IHO1: variants seen among roughly 807,000 people sequenced by gnomAD.
IHO1 encodes interactor of HORMAD1 protein 1.
A neutral mutation model predicts 31.0 loss-of-function variants in IHO1; 13 were observed. The observed-to-expected ratio is 0.42, with a 90% CI of 0.27 to 0.67. The LOEUF (loss-of-function observed/expected upper bound fraction) is 0.67, where lower values mean the gene tolerates loss of function less well. IHO1 is among the 30% of genes least tolerant of loss of function. The pLI is 0.24. For synonymous variants in IHO1, 221 were observed against 248.4 expected, an observed-to-expected ratio of 0.89 and a Z score of 1.04; for missense variants, 599 against 687.5, an observed-to-expected ratio of 0.87 and a Z score of 1.44.
upstream of IHO1, among the ~76,000 whole-genome samples, chr3:49,193,998 C>T (rs893016643): frequency 1.0e-4 from 14 of 140,622 alleles, no homozygotes; most frequent in Admixed American, 2.2e-4. Flanking sequence ...GACTGGGTGC[C>T]GTGGCTCACG....
intron 2 of IHO1, among the ~76,000 whole-genome samples, chr3:49,229,768 A>G (rs2046459646): frequency 6.6e-6 from 1 of 152,204 alleles, no homozygotes. Context: ...CCTGAAGTAT[A>G]TCAAAGTAGT....
intron 6 of IHO1, among the ~76,000 whole-genome samples, chr3:49,253,272 A>C (rs969983112): frequency 3.3e-5 from 5 of 151,838 alleles, no homozygotes; most frequent in Non-Finnish European, 7.4e-5. Context: ...TTAAAATACA[A>C]TTAATAGCTG....
intron 7 of IHO1, among the ~76,000 whole-genome samples, chr3:49,255,738 A>G (rs1002729527): frequency 3.3e-5 from 5 of 151,640 alleles, no homozygotes; most frequent in Admixed American, 2.6e-4. Flanking sequence ...TTTAGTAGAG[A>G]GGGGGTTTTT....
intron 6 of IHO1, among the ~76,000 whole-genome samples, 198 bp from the exon 7 acceptor site, chr3:49,255,192 C>G (rs988282720): frequency 3.3e-5 from 5 of 152,166 alleles, no homozygotes; most frequent in African/African-American, 1.2e-4. Flanking sequence ...AACTGATTCT[C>G]AGAGTCCCCA....
At chr3:49,221,872 A>G (rs2046359369) in intron 2 of IHO1, among the ~76,000 whole-genome samples, 1 of 152,242 alleles carries the variant, frequency 6.6e-6, no homozygotes, top group African/African-American at 2.4e-5. Flanking sequence ...AGAGGCTGGT[A>G]TAAGAGTTTG....
At chr3:49,227,976 G>A (rs1559445052) in intron 2 of IHO1, among the ~76,000 whole-genome samples, 1 of 152,170 alleles carries the variant, frequency 6.6e-6, no homozygotes, top group Non-Finnish European at 1.5e-5. Flanking sequence ...GGTGCCTAAA[G>A]AAGGGAATAG....
intron 1 of IHO1, among the ~76,000 whole-genome samples, chr3:49,211,005 A>T (rs1401032708): frequency 4.4e-4 from 43 of 97,530 alleles, no homozygotes; most frequent in Middle Eastern, 0.01. Context: ...CTCTCCATTT[A>T]GTTTTTTTTT....
At chr3:49,231,769 T>C (rs895311853) in intron 2 of IHO1, among the ~76,000 whole-genome samples, 1 of 152,250 alleles carries the variant, frequency 6.6e-6, no homozygotes, top group African/African-American at 2.4e-5. Flanking sequence ...CTGCAATATC[T>C]AATGCCAAAC....
At chr3:49,229,741 T>C (rs1429258576) in intron 2 of IHO1, among the ~76,000 whole-genome samples, 2 of 152,222 alleles carry the variant, frequency 1.3e-5, no homozygotes, top group Admixed American at 6.5e-5. Context: ...TTTAACATAG[T>C]TGGAGTTGGT....
At chr3:49,216,692 C>G (rs2046290450) in intron 2 of IHO1, among the ~76,000 whole-genome samples, 1 of 152,166 alleles carries the variant, frequency 6.6e-6, no homozygotes, top group Admixed American at 6.5e-5. Context: ...AAATTATCAT[C>G]AGAGTGAACA....
chr3:49,195,553 T>C (rs1021635392), upstream of IHO1, among the ~76,000 whole-genome samples: 4 of 148,762 alleles, frequency 2.7e-5, 1 homozygote, highest in Non-Finnish European at 3.0e-5. Flanking sequence ...CCGTCTCTAC[T>C]TGACAAAAAA....
chr3:49,253,217 A>C (rs556067588), intron 6 of IHO1, among the ~76,000 whole-genome samples: 1 of 152,048 alleles, frequency 6.6e-6, no homozygotes, highest in African/African-American at 2.4e-5. Flanking sequence ...CCTGAGGTCA[A>C]GAGTTTGAGA....
chr3:49,195,840 G>A (rs559121618), upstream of IHO1, among the ~76,000 whole-genome samples: 47 of 149,286 alleles, frequency 3.1e-4, no homozygotes, highest in South Asian at 9.4e-3. Flanking sequence ...GGTGGCTAAC[G>A]CCTGTAATCA....
chr3:49,255,338 G>T, intron 6 of IHO1, 52 bp from the exon 7 acceptor site: 1 of 1,294,218 alleles, frequency 7.7e-7, no homozygotes, highest in South Asian at 1.3e-5. Context: ...GGGCAGATGG[G>T]ACATACCATA....
intron 1 of IHO1, among the ~76,000 whole-genome samples, chr3:49,204,402 G>A (rs1382852282): frequency 6.6e-6 from 1 of 152,092 alleles, no homozygotes; most frequent in Admixed American, 6.6e-5. Flanking sequence ...TTGGGGTCGG[G>A]CTGTGTCCTG....
rs13078365 is a variant in IHO1 at position 49,205,917 on chromosome 3, G to A, written c.-15-5849G>A. Among the ~76,000 whole-genome samples, 189 of 148,304 alleles carry A rather than the reference G, an allele frequency of 1.3e-3. 1 individual carries two copies. The highest frequency in any genetic ancestry group is 2.0e-3 in the Non-Finnish European group (137 of 67,156). On this transcript the variant is annotated intron_variant, in intron 1 of 7. Coordinates refer to ENST00000452691, the MANE Select transcript of IHO1 (RefSeq NM_001135197.2). ...CCTGAGTAGTTGGGACTACAGGCAC[G>A]TGCCACCACGTCCAGCTAATTTTTG...
intron 1 of IHO1, among the ~76,000 whole-genome samples, chr3:49,205,920 C>A (rs1371619293): frequency 6.6e-6 from 1 of 151,704 alleles, no homozygotes; most frequent in Non-Finnish European, 1.5e-5. Flanking sequence ...CAGGCACGTG[C>A]CACCACGTCC....
At chr3:49,202,675 C>CCAGTGTTGCCAGATTTCTAAGGG (rs2046084449) in intron 1 of IHO1, among the ~76,000 whole-genome samples, 1 of 151,154 alleles carries the variant, frequency 6.6e-6, no homozygotes, top group African/African-American at 2.4e-5. Flanking sequence ...CGCACCCAGC[C>CCAGTGTTGCCAGATTTCTAAGGG]AATTATTTTT....
At chr3:49,224,949 A>G (rs1256389170) in intron 2 of IHO1, among the ~76,000 whole-genome samples, 3 of 152,236 alleles carry the variant, frequency 2.0e-5, no homozygotes, top group African/African-American at 7.2e-5. Flanking sequence ...GACACCTAGT[A>G]TGCCATTTAC....
Sources: gnomAD v4.1 joint callset for allele counts (sites outside exome capture counted in the v4.1 genomes callset) on GRCh38, gnomAD v4.1.1 for gene constraint, MANE v1.5 for transcripts, NCBI Gene and HGNC (gene_info 2026-07-23, HGNC 2026-07-21) for gene names.